Variants in SETD3 observed in about 807,000 individuals in gnomAD.
SETD3 encodes the protein actin-histidine N-methyltransferase.
SETD3 carries 19 observed loss-of-function variants against 63.0 expected under a neutral mutation model. That is an observed-to-expected ratio of 0.30 (90% CI 0.21 to 0.44). SETD3 has a LOEUF of 0.44. Among genes scored for constraint, SETD3 ranks in the 20% least tolerant of loss-of-function variants. The pLI is 1.00. For synonymous variants in SETD3, 286 were observed against 264.1 expected (o/e 1.08, Z -0.80); for missense variants, 587 against 728.5 (o/e 0.81, Z 2.24).
At chr14:99,475,919 A>G (rs1389812880) in intron 1 of SETD3, among the ~76,000 whole-genome samples, 2 of 152,254 alleles carry the variant, frequency 1.3e-5, no homozygotes, top group Non-Finnish European at 2.9e-5. Flanking sequence ...TCAGCAAGAT[A>G]AATGTGCTAT....
intron 1 of SETD3, among the ~76,000 whole-genome samples, 180 bp from the exon 2 acceptor site, chr14:99,465,993 G>GAA (rs370221807): frequency 1.3e-5 from 2 of 148,874 alleles, no homozygotes; most frequent in African/African-American, 2.5e-5. Flanking sequence ...TCTCAAATGG[G>GAA]AAAAAAAAAA....
At chr14:99,446,568 T>C (rs1343332765) in intron 6 of SETD3, among the ~76,000 whole-genome samples, 1 of 152,024 alleles carries the variant, frequency 6.6e-6, no homozygotes, top group Non-Finnish European at 1.5e-5. Flanking sequence ...CCCCTATGGG[T>C]GCCTCTACTC....
chr14:99,416,628 C>T (rs533862415), intron 6 of SETD3, among the ~76,000 whole-genome samples: 1 of 152,180 alleles, frequency 6.6e-6, no homozygotes, highest in African/African-American at 2.4e-5. Context: ...GTCAGAAAGA[C>T]GACAGTGAGA....
At chr14:99,412,918 G>C (rs374135126) in intron 8 of SETD3, 33 bp downstream of exon 8, 8 of 1,449,380 alleles carry the variant, frequency 5.5e-6, no homozygotes, top group Non-Finnish European at 7.8e-6. Context: ...CAGCCTCCCA[G>C]ATTCAACACA....
chr14:99,412,868 G>A (rs1892076340), intron 8 of SETD3, 83 bp downstream of exon 8: 1 of 967,250 alleles, frequency 1.0e-6, no homozygotes, highest in Non-Finnish European at 1.7e-6. Context: ...AGTACGATGG[G>A]TAGGTGGAAT....
chr14:99,450,389 A>C (rs1894392284), intron 6 of SETD3, among the ~76,000 whole-genome samples: 1 of 152,220 alleles, frequency 6.6e-6, no homozygotes, highest in Admixed American at 6.5e-5. Context: ...CAAGTAGAAC[A>C]GCAGAAAATG....
At chr14:99,413,103 T>G (rs554556889) in intron 7 of SETD3, 38 bp from the exon 8 acceptor site, 2 of 1,276,864 alleles carry the variant, frequency 1.6e-6, no homozygotes, top group Non-Finnish European at 2.3e-6. Context: ...GTTGGAACAT[T>G]TAAAAGCCAA....
chr14:99,424,482 T>C (rs1454659346), intron 6 of SETD3, among the ~76,000 whole-genome samples: 2 of 152,104 alleles, frequency 1.3e-5, no homozygotes, highest in Non-Finnish European at 2.9e-5. Context: ...GGAATGTTCT[T>C]GATAAATGTT....
intron 6 of SETD3, among the ~76,000 whole-genome samples, chr14:99,420,299 G>A (rs1892517251): frequency 6.6e-6 from 1 of 152,158 alleles, no homozygotes; most frequent in Non-Finnish European, 1.5e-5. Context: ...CCCCCTGTGA[G>A]TCCCCAGTGC....
Position 99,463,668 on chromosome 14 carries a change from T to A in SETD3, c.104-90A>T. The A allele has an allele frequency of 2.8e-6, 3 of 1,053,568 alleles. No homozygotes were observed. The Admixed American group carries it at 6.5e-5, about 23-fold the overall frequency. The allele number at this position is 1,053,568 out of a possible 1,614,324, so 65.3% of individuals were successfully genotyped here. On this transcript the variant is annotated intron_variant, in intron 2 of 12. Coordinates refer to ENST00000331768, the MANE Select transcript of SETD3 (RefSeq NM_032233.3). ...AAGAAAGAGGATTTGGACTTTGTTG[T>A]TGCTGTTCTGGGGTTGGTTTATTTT...
At chr14:99,474,847 T>A (rs563353812) in intron 1 of SETD3, among the ~76,000 whole-genome samples, 5 of 150,138 alleles carry the variant, frequency 3.3e-5, no homozygotes, top group African/African-American at 7.3e-5. Context: ...AATAAATAAA[T>A]AAATAAGCAC....
At chr14:99,416,263 A>C (rs1164318080) in intron 6 of SETD3, among the ~76,000 whole-genome samples, 2 of 152,212 alleles carry the variant, frequency 1.3e-5, no homozygotes, top group Non-Finnish European at 2.9e-5. Flanking sequence ...TCCCTGTTGA[A>C]GACCAAGTTA....
At position 99,458,533 on chromosome 14, in the gene SETD3, G is replaced by C; in HGVS notation, c.421C>G (p.Pro141Ala). 6.2e-7 allele frequency: 1 copy of C among 1,613,046 alleles called. No individual in the cohort carries two copies. Among genetic ancestry groups the C allele is most frequent in the Non-Finnish European group, 8.5e-7 (1 of 1,179,474 alleles). Residue 141 changes from proline (P) to alanine (A), a missense_variant and splice_region_variant, in exon 6 of 13, where the codon CCC (proline) becomes GCC (alanine). Physicochemically the swap from Pro to Ala is conservative, Grantham distance 27. Coordinates refer to ENST00000331768, the MANE Select transcript of SETD3 (RefSeq NM_032233.3). ...VESAKNSVLGPLYSQDRILQA... is the reference protein window; with the variant it reads ...VESAKNSVLGALYSQDRILQA... ...AGGATTCGGTCTTGAGAATATAAGG[G>C]CCCTGAATTAACCCAGAAGTTAACA...
intron 6 of SETD3, among the ~76,000 whole-genome samples, chr14:99,452,813 T>C (rs1202267154): frequency 4.6e-5 from 7 of 152,196 alleles, no homozygotes; most frequent in Admixed American, 3.9e-4. Context: ...CTGCAAGCCA[T>C]GGCCTGTAGA....
chr14:99,406,487 C>T (rs748889371), intron 9 of SETD3, 29 bp downstream of exon 9: 13 of 1,610,384 alleles, frequency 8.1e-6, no homozygotes, highest in Non-Finnish European at 1.0e-5. Context: ...CTGGCTGGCT[C>T]ACATTTTGTG....
intron 1 of SETD3, among the ~76,000 whole-genome samples, chr14:99,469,125 A>G (rs1895556891): frequency 6.6e-6 from 1 of 152,250 alleles, no homozygotes; most frequent in Non-Finnish European, 1.5e-5. Context: ...TCTACAGTCG[A>G]GTACTTGTAA....
chr14:99,412,704 A>T, intron 8 of SETD3: 1 of 409,274 alleles, frequency 2.4e-6, no homozygotes, highest in Non-Finnish European at 4.4e-6. Context: ...CATGTAGTTC[A>T]CTGTGGCTTT....
At chr14:99,412,703 C>A in intron 8 of SETD3, 1 of 403,292 alleles carries the variant, frequency 2.5e-6, no homozygotes, top group Non-Finnish European at 4.4e-6. Context: ...ACATGTAGTT[C>A]ACTGTGGCTT....
chr14:99,426,113 AT>A (rs1892867869), intron 6 of SETD3, among the ~76,000 whole-genome samples: 1 of 152,218 alleles, frequency 6.6e-6, no homozygotes, highest in Non-Finnish European at 1.5e-5. Flanking sequence ...AATTATTGGA[AT>A]AATCCGCCCC....
Sources: gnomAD v4.1 joint callset for allele counts (sites outside exome capture counted in the v4.1 genomes callset) on GRCh38, gnomAD v4.1.1 for gene constraint, MANE v1.5 for transcripts, NCBI Gene and HGNC (gene_info 2026-07-23, HGNC 2026-07-21) for gene names.